Variants in GOLM2 observed in about 807,000 individuals in gnomAD.
The protein encoded by GOLM2 is protein GOLM2.
GOLM2 carries 26 observed loss-of-function variants against 55.9 expected under a neutral mutation model. The observed-to-expected ratio is 0.47, with a 90% CI of 0.34 to 0.65. The LOEUF (loss-of-function observed/expected upper bound fraction) is 0.65. Among genes scored for constraint, GOLM2 ranks in the 30% least tolerant of loss-of-function variants. GOLM2 has a pLI of 0.01. For synonymous variants in GOLM2, 165 were observed against 194.6 expected (o/e 0.85, Z 1.27); for missense variants, 486 against 531.8 (o/e 0.91, Z 0.85).
At chr15:44,331,367 T>C (rs2079021254) in intron 3 of GOLM2, among the ~76,000 whole-genome samples, 1 of 152,218 alleles carries the variant, frequency 6.6e-6, no homozygotes. Context: ...TTAACATTTT[T>C]CTATATGTGT....
At chr15:44,294,762 G>A (rs180809839) in intron 1 of GOLM2, among the ~76,000 whole-genome samples, 14 of 149,604 alleles carry the variant, frequency 9.4e-5, no homozygotes, top group East Asian at 7.9e-4. Context: ...AAAATTAACC[G>A]GGCATGGTGG....
intron 1 of GOLM2, among the ~76,000 whole-genome samples, chr15:44,310,745 A>G (rs1411141567): frequency 6.6e-6 from 1 of 151,918 alleles, no homozygotes. Context: ...TAGGCCAGGC[A>G]CAGTGGCTCA....
At chr15:44,339,965 A>T (rs2079080470) in intron 6 of GOLM2, among the ~76,000 whole-genome samples, 1 of 151,812 alleles carries the variant, frequency 6.6e-6, no homozygotes, top group Non-Finnish European at 1.5e-5. Context: ...AACTACAGGC[A>T]TGTGCCACCA....
intron 8 of GOLM2, chr15:44,402,597 G>C: frequency 3.5e-6 from 1 of 286,014 alleles, no homozygotes; most frequent in Non-Finnish European, 6.7e-6. Flanking sequence ...TTGGTTATTA[G>C]GAAAACATTC....
intron 1 of GOLM2, among the ~76,000 whole-genome samples, chr15:44,314,733 A>T (rs1391695515): frequency 6.6e-6 from 1 of 152,192 alleles, no homozygotes; most frequent in East Asian, 1.9e-4. Context: ...ATCACCTACC[A>T]GGTCTAGTAT....
At chr15:44,373,456 CA>C (rs571251472) in intron 6 of GOLM2, among the ~76,000 whole-genome samples, 11 of 119,026 alleles carry the variant, frequency 9.2e-5, no homozygotes, top group Non-Finnish European at 1.6e-4. Flanking sequence ...GACTCCGTCT[CA>C]AAAAAAAAAC....
chr15:44,303,586 G>A (rs2078814389), intron 1 of GOLM2, among the ~76,000 whole-genome samples: 1 of 151,888 alleles, frequency 6.6e-6, no homozygotes, highest in South Asian at 2.1e-4. Flanking sequence ...TTTTTTTGGT[G>A]ACAGGGTCTC....
intron 1 of GOLM2, among the ~76,000 whole-genome samples, chr15:44,305,578 G>A (rs1053364340): frequency 2.0e-5 from 3 of 152,138 alleles, no homozygotes; most frequent in Admixed American, 1.3e-4. Flanking sequence ...GATTATAGAC[G>A]TGAGCCACTG....
At chr15:44,333,995 G>A (rs541711114) in intron 4 of GOLM2, among the ~76,000 whole-genome samples, 10 of 152,238 alleles carry the variant, frequency 6.6e-5, no homozygotes, top group East Asian at 1.9e-4. Flanking sequence ...GATTACAGGC[G>A]TGAGGCACCA....
chr15:44,289,096 G>A lies in GOLM2; in HGVS notation c.67G>A (p.Val23Met), dbSNP rs2078701479. 2 of 1,614,170 alleles carry A rather than the reference G, an allele frequency of 1.2e-6. No individual in the cohort carries two copies. The stretch of plus-strand genomic sequence containing the variant: ...CTCTCTCGTGCTGGTGGTGCTGCTG[G>A]TGGTGATCGTCGTCCTCGCCTTCAA... ...LPSLVLVVLL[V>M]VIVVLAFNYW... The change falls in exon 1 of 10, where the codon GTG becomes ATG. Residue 23 changes from valine to methionine, a missense_variant. By Grantham distance (21) the Val-to-Met change is conservative. Coordinates refer to ENST00000299957, the MANE Select transcript of GOLM2 (RefSeq NM_138423.4). The surrounding 1 kb of genome is among the most constrained non-coding windows in gnomAD (Gnocchi z 4.8).
chr15:44,349,636 A>G (rs1374735150), intron 6 of GOLM2, among the ~76,000 whole-genome samples: 1 of 152,162 alleles, frequency 6.6e-6, no homozygotes, highest in Non-Finnish European at 1.5e-5. Context: ...TATAGACCAA[A>G]TGGACCTAAT....
intron 6 of GOLM2, among the ~76,000 whole-genome samples, chr15:44,341,774 G>C (rs2079092434): frequency 7.1e-6 from 1 of 140,152 alleles, no homozygotes; most frequent in South Asian, 2.2e-4. Context: ...TTGGCTCACT[G>C]CATCCTCGGC....
intron 1 of GOLM2, among the ~76,000 whole-genome samples, chr15:44,296,470 G>A (rs993135458): frequency 6.6e-6 from 1 of 152,030 alleles, no homozygotes; most frequent in African/African-American, 2.4e-5. Flanking sequence ...TAGTTGAATG[G>A]GGAAAAGGTC....
At chr15:44,404,905 C>T (rs1270098806) in intron 9 of GOLM2, among the ~76,000 whole-genome samples, 1 of 152,162 alleles carries the variant, frequency 6.6e-6, no homozygotes, top group Admixed American at 6.6e-5. Context: ...GCTTGGTTTA[C>T]ACTTTCAATA....
chr15:44,341,721 G>T (rs1486402940), intron 6 of GOLM2, among the ~76,000 whole-genome samples: 7 of 125,056 alleles, frequency 5.6e-5, no homozygotes, highest in African/African-American at 1.9e-4. Context: ...TTTTGAGACC[G>T]AGTTTCACTC....
intron 8 of GOLM2, among the ~76,000 whole-genome samples, chr15:44,398,774 C>G (rs2141210980): frequency 6.8e-6 from 1 of 147,192 alleles, no homozygotes; most frequent in East Asian, 2.1e-4. Context: ...TCAAGCGATT[C>G]TCCTGCCACA....
intron 8 of GOLM2, among the ~76,000 whole-genome samples, chr15:44,388,410 C>G (rs545401388): frequency 5.3e-5 from 8 of 152,068 alleles, no homozygotes; most frequent in African/African-American, 1.9e-4. Flanking sequence ...GCACAGTGGC[C>G]CATGCCTGTA....
At chr15:44,350,582 G>A (rs2079154723) in intron 6 of GOLM2, among the ~76,000 whole-genome samples, 1 of 152,116 alleles carries the variant, frequency 6.6e-6, no homozygotes, top group Non-Finnish European at 1.5e-5. Context: ...AGACTATTCT[G>A]AAAAATAGAG....
At chr15:44,341,768 C>T (rs1241089942) in intron 6 of GOLM2, among the ~76,000 whole-genome samples, 3 of 145,432 alleles carry the variant, frequency 2.1e-5, no homozygotes, top group Non-Finnish European at 4.5e-5. Flanking sequence ...GCGATCTTGG[C>T]TCACTGCATC....
Sources: gnomAD v4.1 joint callset for allele counts (sites outside exome capture counted in the v4.1 genomes callset) on GRCh38, gnomAD v4.1.1 for gene constraint, Gnocchi (gnomAD v3.1) non-coding constraint, MANE v1.5 for transcripts, NCBI Gene and HGNC (gene_info 2026-07-23, HGNC 2026-07-21) for gene names.